HEPH: variants seen among roughly 807,000 people sequenced by gnomAD.
The protein encoded by HEPH is hephaestin.
In HEPH, 69 loss-of-function variants were observed where a neutral mutation model predicts 80.8. That is an observed-to-expected ratio of 0.85 (90% CI 0.70 to 1.04). The LOEUF (loss-of-function observed/expected upper bound fraction) is 1.04, where lower values mean the gene tolerates loss of function less well. Among genes scored for constraint, HEPH ranks in the 50% least tolerant of loss-of-function variants. HEPH has a pLI of 0.00. For synonymous variants in HEPH, 431 were observed against 322.8 expected, an observed-to-expected ratio of 1.34 and a Z score of -3.60; for missense variants, 1,115 against 891.3, an observed-to-expected ratio of 1.25 and a Z score of -3.20.
At chrX:66,241,485 A>C (rs750371876) in intron 15 of HEPH, among the ~76,000 whole-genome samples, 15 of 111,874 alleles carry the variant, frequency 1.3e-4, no homozygotes, top group Non-Finnish European at 2.4e-4. Flanking sequence ...ACAGACTTTA[A>C]ACCAACAACA....
intron 15 of HEPH, among the ~76,000 whole-genome samples, chrX:66,230,005 T>C (rs1257526875): frequency 2.1e-5 from 2 of 97,065 alleles, no homozygotes; most frequent in South Asian, 5.6e-4. Flanking sequence ...AATTCCCACC[T>C]ATGAGTGAGA....
At chrX:66,202,129 G>A (rs1290617832) in intron 12 of HEPH, among the ~76,000 whole-genome samples, 1 of 111,942 alleles carries the variant, frequency 8.9e-6, no homozygotes, top group Non-Finnish European at 1.9e-5. Context: ...AAAGAAACAT[G>A]AATTGAGTCT....
At chrX:66,198,802 G>T in intron 10 of HEPH, 76 bp from the exon 11 acceptor site, 1 of 765,084 alleles carries the variant, frequency 1.3e-6, no homozygotes, top group South Asian at 2.7e-5. Context: ...GGCATCCCTT[G>T]ATCTGTAACG....
At chrX:66,163,450 A>G (rs1275766084), upstream of HEPH, among the ~76,000 whole-genome samples, 1 of 110,627 alleles carries the variant, frequency 9.0e-6, no homozygotes, top group Non-Finnish European at 1.9e-5. Flanking sequence ...GCTATCTTCT[A>G]GCTATATCTG....
At chrX:66,246,911 C>A (rs2090832289) in intron 15 of HEPH, among the ~76,000 whole-genome samples, 1 of 111,955 alleles carries the variant, frequency 8.9e-6, no homozygotes, top group Non-Finnish European at 1.9e-5. Context: ...CCCCTCCCAC[C>A]CTCTCATTTT....
rs2087701161 is a variant in HEPH at position 66,189,937 on chromosome X, A to C, written c.1062A>C (p.Arg354=). ...LISCQVNSHF[R]DGMQALYKVK... Reference sequence around the variant, plus strand: ...GCTGCCAAGTGAACAGTCACTTTCGAGGTGAGATCCAACATTTCTGACCAT... The same window carrying C: ...GCTGCCAAGTGAACAGTCACTTTCGCGGTGAGATCCAACATTTCTGACCAT... The change falls in exon 6 of 21, where the codon CGA becomes CGC. Residue 354 remains arginine, a splice_region_variant and synonymous_variant. Coordinates refer to ENST00000343002, the MANE Select transcript of HEPH (RefSeq NM_001367233.3). The C allele has an allele frequency of 1.7e-6, 2 of 1,169,624 alleles. No individual in the cohort carries two copies. The highest frequency in any genetic ancestry group is 2.3e-6 in the Non-Finnish European group (2 of 875,002).
intron 16 of HEPH, 79 bp downstream of exon 16, chrX:66,255,220 C>T (rs1344564933): frequency 1.8e-6 from 1 of 571,330 alleles, no homozygotes; most frequent in African/African-American, 2.3e-5. Context: ...TAGTAAGAAG[C>T]TTACTCCTGA....
In HEPH at chrX:66,193,599, A is replaced by G; in HGVS notation, c.1330A>G (p.Lys444Glu). The G allele has an allele frequency of 8.4e-7, 1 of 1,195,090 alleles. No individual in the cohort carries two copies. Among genetic ancestry groups the G allele is most frequent in the Non-Finnish European group, 1.1e-6 (1 of 884,825 alleles). The change falls in exon 8 of 21, where the codon AAG becomes GAG. Residue 444 changes from lysine (K) to glutamate (E), a missense_variant. This residue lies in a region of HEPH where 391 missense variants were observed against 343.6 expected (regional missense o/e 1.14). Transcript: ENST00000343002. Reference protein sequence around the residue: ...EAFQDETFQEKMHLEEDRHLG... With the variant: ...EAFQDETFQEEMHLEEDRHLG... ...CTTTCAAGATGAGACATTCCAAGAG[A>G]AGATGCATTTGGAGGAAGATAGGCA... is the stretch of plus-strand genomic sequence containing the variant.
At chrX:66,164,139 C>G, upstream of HEPH, 13 of 643,006 alleles carry the variant, frequency 2.0e-5, no homozygotes, top group Non-Finnish European at 2.4e-5. Context: ...TACAACCCAC[C>G]CCCTTGTAAT....
intron 15 of HEPH, among the ~76,000 whole-genome samples, chrX:66,217,478 A>T (rs2089446430): frequency 9.0e-6 from 1 of 111,690 alleles, no homozygotes; most frequent in South Asian, 3.7e-4. Flanking sequence ...CAGACAAAGA[A>T]ATGCTGAAAA....
At chrX:66,220,337 G>A (rs751136058) in intron 15 of HEPH, among the ~76,000 whole-genome samples, 7 of 111,331 alleles carry the variant, frequency 6.3e-5, no homozygotes, top group East Asian at 2.8e-4. Context: ...TCAGGAGCAC[G>A]TTTATAAACT....
intron 15 of HEPH, among the ~76,000 whole-genome samples, chrX:66,225,285 G>T (rs2089830175): frequency 1.8e-5 from 2 of 111,483 alleles, no homozygotes; most frequent in Non-Finnish European, 3.8e-5. Flanking sequence ...CTTTGTGCCT[G>T]ACCCATGCTT....
At chrX:66,169,873 C>T (rs1043423247) in intron 1 of HEPH, 1 of 111,515 alleles carries the variant, frequency 9.0e-6, no homozygotes, top group Admixed American at 9.5e-5. Flanking sequence ...TGATTTTGTA[C>T]TGTATTTAAA....
intron 15 of HEPH, among the ~76,000 whole-genome samples, chrX:66,221,689 T>C (rs1322751966): frequency 1.8e-5 from 2 of 112,741 alleles, no homozygotes; most frequent in African/African-American, 3.2e-5. Flanking sequence ...TTTTGTCGGG[T>C]CAAATAGCCC....
At chrX:66,249,070 C>A (rs2090916243) in intron 15 of HEPH, among the ~76,000 whole-genome samples, 2 of 111,335 alleles carry the variant, frequency 1.8e-5, no homozygotes, top group South Asian at 3.8e-4. Flanking sequence ...ACAAACTTTT[C>A]TGAGAAATGG....
At chrX:66,263,892 A>T (rs1391842523) in intron 20 of HEPH, among the ~76,000 whole-genome samples, 1 of 110,791 alleles carries the variant, frequency 9.0e-6, no homozygotes, top group Non-Finnish European at 1.9e-5. Flanking sequence ...TCTGGCTTCC[A>T]CCTCAAACCT....
rs143927032 is a variant in HEPH at position 66,221,432 on chromosome X, G to A, written c.2563+13186G>A. 5.8e-3 allele frequency among the ~76,000 whole-genome samples: 659 copies of A among 112,710 alleles called. 6 individuals carry two copies. The highest frequency in any genetic ancestry group is 0.02 in the African/African-American group (617 of 31,001). ...CATTTGTTAACCAATAATGTCCTTT[G>A]GTTGTCATTAAAGTTACCACAGCAT... On this transcript the variant is annotated intron_variant, in intron 15 of 20. Transcript: ENST00000343002.
intron 19 of HEPH, among the ~76,000 whole-genome samples, chrX:66,260,737 T>C (rs919136963): frequency 1.8e-5 from 2 of 111,616 alleles, no homozygotes; most frequent in African/African-American, 6.5e-5. Flanking sequence ...ATTTGTTCTA[T>C]GGGGTTGTGA....
intron 15 of HEPH, among the ~76,000 whole-genome samples, chrX:66,218,922 G>A (rs2089516317): frequency 8.9e-6 from 1 of 111,970 alleles, no homozygotes; most frequent in African/African-American, 3.3e-5. Flanking sequence ...GTCTGTTTGT[G>A]GATTTCATTT....
Sources: allele counts gnomAD v4.1 joint callset (sites outside exome capture counted in the v4.1 genomes callset), GRCh38; gene constraint gnomAD v4.1.1; regional missense constraint gnomAD v4.1.1; transcripts MANE v1.5; gene names NCBI Gene and HGNC (gene_info 2026-07-23, HGNC 2026-07-21).